The following TMEM132C variants were observed in gnomAD, a reference collection of about 807,000 sequenced individuals.
TMEM132C encodes the protein protein phosphatase 1, regulatory subunit 152.
A neutral mutation model predicts 61.4 loss-of-function variants in TMEM132C; 29 were observed. That is an observed-to-expected ratio of 0.47 (90% CI 0.35 to 0.64). The LOEUF (loss-of-function observed/expected upper bound fraction) is 0.64. Among genes scored for constraint, TMEM132C ranks in the 30% least tolerant of loss-of-function variants. The probability of loss-of-function intolerance (pLI) is 0.00; values close to 1 mark genes in which losing one functional copy is unlikely to be tolerated. For missense variants in TMEM132C, 1,408 were observed against 1,476.9 expected, an observed-to-expected ratio of 0.95 and a Z score of 0.76; for synonymous variants, 656 against 633.1, an observed-to-expected ratio of 1.04 and a Z score of -0.54.
At chr12:128,647,796 G>A (rs1954222515) in intron 4 of TMEM132C, among the ~76,000 whole-genome samples, 1 of 150,658 alleles carries the variant, frequency 6.6e-6, no homozygotes, top group Non-Finnish European at 1.5e-5. Context: ...CATTGGAAGT[G>A]AGTGTGTTTA....
chr12:128,697,063 G>C (rs761717865), intron 7 of TMEM132C, among the ~76,000 whole-genome samples, 161 bp from the exon 8 acceptor site: 1 of 152,184 alleles, frequency 6.6e-6, no homozygotes, highest in Non-Finnish European at 1.5e-5. Flanking sequence ...TCTCACGAAG[G>C]CATGGGATGG....
chr12:128,471,764 G>A (rs182917724), intron 2 of TMEM132C, among the ~76,000 whole-genome samples: 1 of 152,152 alleles, frequency 6.6e-6, no homozygotes, highest in South Asian at 2.1e-4. Context: ...ATTCCTACCC[G>A]CTAGGGCTAT....
chr12:128,613,212 C>T (rs1876690711), intron 3 of TMEM132C, among the ~76,000 whole-genome samples: 1 of 152,194 alleles, frequency 6.6e-6, no homozygotes. Flanking sequence ...AGCCATGCAG[C>T]TCCTGGACAG....
At chr12:128,366,334 C>T (rs1263355559) in intron 1 of TMEM132C, among the ~76,000 whole-genome samples, 1 of 152,224 alleles carries the variant, frequency 6.6e-6, no homozygotes, top group Non-Finnish European at 1.5e-5. Flanking sequence ...GCCATTTCCC[C>T]CCAGCGTGGA....
chr12:128,665,453 ACT>A (rs1309699397), intron 4 of TMEM132C, among the ~76,000 whole-genome samples: 5 of 151,152 alleles, frequency 3.3e-5, no homozygotes, highest in Admixed American at 3.3e-4. Context: ...ACACGTAGGC[ACT>A]CACACACACA....
At chr12:128,321,142 AATAATAAT>A (rs1872318552) in intron 1 of TMEM132C, among the ~76,000 whole-genome samples, 1 of 61,852 alleles carries the variant, frequency 1.6e-5, no homozygotes, top group African/African-American at 8.8e-5. Context: ...TTTGAAAAAT[AATAATAAT>A]AATAATAATA....
intron 3 of TMEM132C, among the ~76,000 whole-genome samples, chr12:128,588,549 A>T (rs115947285): frequency 0.03 from 4,513 of 152,204 alleles, 227 homozygotes; most frequent in African/African-American, 0.1. Flanking sequence ...GGGTTGCTTG[A>T]ATCCAAGCCT....
chr12:128,551,104 G>A (rs373087775), intron 3 of TMEM132C, among the ~76,000 whole-genome samples: 10 of 152,136 alleles, frequency 6.6e-5, no homozygotes, highest in Non-Finnish European at 1.3e-4. Context: ...CTCCTGGTGC[G>A]TGGGGAGAAA....
At position 128,347,397 on chromosome 12, in the gene TMEM132C, G is replaced by GTCTCTCTCTCTC. The variant is rs55729184; in HGVS notation, c.86-67304_86-67293dup. Among the ~76,000 whole-genome samples, 1,138 of 135,448 alleles carry GTCTCTCTCTCTC rather than the reference G, an allele frequency of 8.4e-3. 22 individuals carry two copies. Among genetic ancestry groups the GTCTCTCTCTCTC allele is most frequent in the Middle Eastern group, 0.022 (6 of 270 alleles). 88.9% of individuals were successfully genotyped at this position (135,448 alleles called of 152,430 possible). On this transcript the variant is annotated intron_variant, in intron 1 of 8. Coordinates refer to ENST00000435159, the MANE Select transcript of TMEM132C (RefSeq NM_001136103.3). ...TGCTGCCATAAGCATGCATATGTAT[G>GTCTCTCTCTCTC]TCTCTCTCTCTCTCTCTCTCTCTCT...
At chr12:128,572,449 A>G (rs1169254387) in intron 3 of TMEM132C, among the ~76,000 whole-genome samples, 1 of 151,152 alleles carries the variant, frequency 6.6e-6, no homozygotes, top group Non-Finnish European at 1.5e-5. Flanking sequence ...CCTGGGTCGC[A>G]TGACCACTGT....
chr12:128,421,434 A>T (rs947262611), intron 2 of TMEM132C, among the ~76,000 whole-genome samples: 1 of 152,134 alleles, frequency 6.6e-6, no homozygotes, highest in African/African-American at 2.4e-5. Context: ...ATGCAGGGAG[A>T]CCTTGAATGA....
rs774206291 is a variant in TMEM132C at position 128,630,569 on chromosome 12, A to C, written c.1305+14234A>C. ...CTCCCTTTGCAGTCTCATCTCTGCC[A>C]GACACGATGCTATCTGTGCAGTCAG... is the stretch of plus-strand genomic sequence containing the variant. On this transcript the variant is annotated intron_variant, in intron 4 of 8. Transcript: ENST00000435159. The surrounding 1 kb of genome is among the most constrained non-coding windows in gnomAD (Gnocchi z 4.3). Among the ~76,000 whole-genome samples the C allele has an allele frequency of 6.6e-6, 1 of 152,132 alleles. No individual in the cohort carries two copies. The highest frequency in any genetic ancestry group is 1.5e-5 in the Non-Finnish European group (1 of 68,028).
At chr12:128,283,363 A>G (rs1870956875) in intron 1 of TMEM132C, among the ~76,000 whole-genome samples, 1 of 152,164 alleles carries the variant, frequency 6.6e-6, no homozygotes, top group Non-Finnish European at 1.5e-5. Context: ...TAGTGGGGAA[A>G]TGGTATTTAG....
chr12:128,338,560 G>T (rs1872854218), intron 1 of TMEM132C, among the ~76,000 whole-genome samples: 1 of 152,016 alleles, frequency 6.6e-6, no homozygotes, highest in African/African-American at 2.4e-5. Flanking sequence ...ACAGAGCTGA[G>T]CACATGCTGG....
intron 2 of TMEM132C, among the ~76,000 whole-genome samples, chr12:128,458,082 T>A (rs893506613): frequency 3.3e-5 from 5 of 151,580 alleles, no homozygotes; most frequent in African/African-American, 1.2e-4. Flanking sequence ...ACCCCATTTT[T>A]AAAAATATCT....
At chr12:128,652,609 G>A (rs1049145280) in intron 4 of TMEM132C, among the ~76,000 whole-genome samples, 12 of 152,344 alleles carry the variant, frequency 7.9e-5, no homozygotes, top group African/African-American at 1.7e-4. Context: ...TAAGTGGAGC[G>A]TGCTCCGGGA....
At chr12:128,485,675 C>A (rs954755580) in intron 2 of TMEM132C, among the ~76,000 whole-genome samples, 3 of 152,090 alleles carry the variant, frequency 2.0e-5, no homozygotes, top group Non-Finnish European at 2.9e-5. Flanking sequence ...AGCAAAGATT[C>A]ATCCATCCCC....
chr12:128,650,813 G>A (rs777588601), intron 4 of TMEM132C, among the ~76,000 whole-genome samples: 1 of 152,138 alleles, frequency 6.6e-6, no homozygotes, highest in African/African-American at 2.4e-5. Flanking sequence ...CTGAGAAATT[G>A]CAGAGCCAAT....
chr12:128,375,979 A>G (rs1407267086), intron 1 of TMEM132C, among the ~76,000 whole-genome samples: 2 of 152,204 alleles, frequency 1.3e-5, no homozygotes, highest in Admixed American at 6.5e-5. Flanking sequence ...GTCGGAGCCC[A>G]TGGGAAGCAC....
Sources: gnomAD v4.1 joint callset for allele counts (sites outside exome capture counted in the v4.1 genomes callset) on GRCh38, gnomAD v4.1.1 for gene constraint, Gnocchi (gnomAD v3.1) non-coding constraint, MANE v1.5 for transcripts, NCBI Gene and HGNC (gene_info 2026-07-23, HGNC 2026-07-21) for gene names.